PTPRM: variants seen among roughly 807,000 people sequenced by gnomAD.
PTPRM encodes the protein receptor-type tyrosine-protein phosphatase mu.
PTPRM carries 47 observed loss-of-function variants against 186.7 expected under a neutral mutation model. The observed-to-expected ratio is 0.25, with a 90% CI of 0.20 to 0.32. The LOEUF (loss-of-function observed/expected upper bound fraction) is 0.32, where lower values mean the gene tolerates loss of function less well. Among genes scored for constraint, PTPRM ranks in the 10% least tolerant of loss-of-function variants. PTPRM has a pLI of 1.00. For missense variants in PTPRM, 1,494 were observed against 1,865.0 expected, an observed-to-expected ratio of 0.80 and a Z score of 3.66; for synonymous variants, 668 against 674.9, an observed-to-expected ratio of 0.99 and a Z score of 0.16.
intron 14 of PTPRM, among the ~76,000 whole-genome samples, chr18:8,161,710 T>A (rs1462185308): frequency 1.3e-5 from 2 of 152,144 alleles, no homozygotes; most frequent in Non-Finnish European, 2.9e-5. Flanking sequence ...TGGCTACACA[T>A]GTTGTCTTAT....
chr18:8,379,163 G>T lies in PTPRM; in HGVS notation c.3613-4G>T. ...TCCTCATGTTCCTTTCTTTTCTCAC[G>T]CAGACGCTAAACATGGTGACACCAA... On this transcript the variant is annotated splice_polypyrimidine_tract_variant and splice_region_variant and intron_variant, in intron 27 of 32. Transcript: ENST00000580170. 1.3e-6 allele frequency: 2 copies of T among 1,582,700 alleles called. No homozygotes were observed. Among genetic ancestry groups the T allele is most frequent in the Non-Finnish European group, 8.6e-7 (1 of 1,162,516 alleles).
chr18:8,218,601 G>A (rs1439309330), intron 14 of PTPRM, among the ~76,000 whole-genome samples: 7 of 152,164 alleles, frequency 4.6e-5, no homozygotes, highest in African/African-American at 1.7e-4. Context: ...GGGGACAAGG[G>A]GAGCCATGGG....
chr18:8,229,991 A>G (rs2094265721), intron 14 of PTPRM, among the ~76,000 whole-genome samples: 1 of 152,200 alleles, frequency 6.6e-6, no homozygotes, highest in South Asian at 2.1e-4. Context: ...GGTCATCTGA[A>G]ATAAAGTTGT....
chr18:7,895,923 C>T (rs1210641675), intron 3 of PTPRM, among the ~76,000 whole-genome samples: 1 of 152,124 alleles, frequency 6.6e-6, no homozygotes, highest in African/African-American at 2.4e-5. Flanking sequence ...AGTGTTCTTG[C>T]CACAGTAGTC....
At chr18:8,271,668 T>A (rs967354811) in intron 19 of PTPRM, among the ~76,000 whole-genome samples, 7 of 152,084 alleles carry the variant, frequency 4.6e-5, no homozygotes, top group Non-Finnish European at 8.8e-5. Flanking sequence ...TTTTCAGTAG[T>A]TAATAGGTCT....
chr18:7,910,215 G>A (rs73379947), intron 4 of PTPRM, among the ~76,000 whole-genome samples: 23,222 of 152,090 alleles, frequency 0.15, 1,895 homozygotes, highest in Middle Eastern at 0.33. Flanking sequence ...ATGTACCCGC[G>A]ACCATAGTCA....
chr18:7,708,408 A>G (rs1177006039), intron 1 of PTPRM, among the ~76,000 whole-genome samples: 1 of 152,198 alleles, frequency 6.6e-6, no homozygotes, highest in East Asian at 1.9e-4. Flanking sequence ...TTTGCTATAG[A>G]TTACTACTTT....
At chr18:7,617,624 A>G (rs192386935) in intron 1 of PTPRM, among the ~76,000 whole-genome samples, 17 of 152,320 alleles carry the variant, frequency 1.1e-4, no homozygotes, top group Admixed American at 7.8e-4. Context: ...TATAATCCTT[A>G]ATCAAAAAAC....
intron 7 of PTPRM, among the ~76,000 whole-genome samples, chr18:7,991,741 G>A (rs2083279268): frequency 6.6e-6 from 1 of 151,994 alleles, no homozygotes; most frequent in Non-Finnish European, 1.5e-5. Context: ...TGACACAAAG[G>A]ATTTTGTTGA....
chr18:7,910,676 A>G (rs2050215944), intron 4 of PTPRM, among the ~76,000 whole-genome samples: 1 of 152,212 alleles, frequency 6.6e-6, no homozygotes, highest in South Asian at 2.1e-4. Flanking sequence ...GTGAAGTTAC[A>G]AAGTTATACT....
intron 1 of PTPRM, among the ~76,000 whole-genome samples, chr18:7,766,044 A>G (rs572069806): frequency 1.3e-5 from 2 of 152,342 alleles, no homozygotes; most frequent in African/African-American, 4.8e-5. Context: ...TAGAAACAGC[A>G]CTTTCGAGAG....
intron 1 of PTPRM, among the ~76,000 whole-genome samples, chr18:7,581,571 T>C (rs1567966169): frequency 2.0e-5 from 3 of 151,970 alleles, no homozygotes; most frequent in Non-Finnish European, 4.4e-5. Flanking sequence ...CCTTTTTGGG[T>C]GGTGGCAGAA....
At chr18:7,577,896 G>T (rs924212084) in intron 1 of PTPRM, among the ~76,000 whole-genome samples, 1 of 152,160 alleles carries the variant, frequency 6.6e-6, no homozygotes, top group Non-Finnish European at 1.5e-5. Flanking sequence ...AGGGGCCCCT[G>T]TGAGACAGCT....
At chr18:7,843,678 A>G (rs1299456571) in intron 2 of PTPRM, among the ~76,000 whole-genome samples, 2 of 152,202 alleles carry the variant, frequency 1.3e-5, no homozygotes, top group Non-Finnish European at 2.9e-5. Context: ...TTTGTATAAC[A>G]TTAGTATTTT....
At chr18:7,879,071 G>A (rs535769226) in intron 2 of PTPRM, among the ~76,000 whole-genome samples, 7 of 152,292 alleles carry the variant, frequency 4.6e-5, no homozygotes, top group African/African-American at 1.7e-4. Context: ...CTCACACCTA[G>A]TATTTTCTAC....
intron 1 of PTPRM, among the ~76,000 whole-genome samples, chr18:7,624,579 G>A (rs550159706): frequency 1.2e-4 from 18 of 152,074 alleles, no homozygotes; most frequent in African/African-American, 3.9e-4. Context: ...TTGACTTCCT[G>A]GGTTCAAGTG....
intron 1 of PTPRM, among the ~76,000 whole-genome samples, chr18:7,684,595 G>A (rs543220933): frequency 6.6e-6 from 1 of 152,214 alleles, no homozygotes; most frequent in African/African-American, 2.4e-5. Flanking sequence ...AGAATCATAC[G>A]CTATTTGTCC....
At chr18:8,165,530 A>G (rs1398522295) in intron 14 of PTPRM, among the ~76,000 whole-genome samples, 1 of 152,184 alleles carries the variant, frequency 6.6e-6, no homozygotes, top group African/African-American at 2.4e-5. Flanking sequence ...CCTTGAAAAA[A>G]CACCTCCTGA....
intron 17 of PTPRM, among the ~76,000 whole-genome samples, chr18:8,248,799 C>G (rs939702428): frequency 1.3e-5 from 2 of 152,120 alleles, no homozygotes; most frequent in African/African-American, 4.8e-5. Context: ...GACAAGATGG[C>G]ACTTATAATC....
Sources: allele counts gnomAD v4.1 joint callset (sites outside exome capture counted in the v4.1 genomes callset), GRCh38; gene constraint gnomAD v4.1.1; transcripts MANE v1.5; gene names NCBI Gene and HGNC (gene_info 2026-07-23, HGNC 2026-07-21).